The following TMTC2 variants were observed in gnomAD, a reference collection of about 807,000 sequenced individuals.
TMTC2 encodes the protein protein O-mannosyl-transferase TMTC2.
TMTC2 carries 43 observed loss-of-function variants against 82.4 expected under a neutral mutation model. The ratio of observed to expected loss-of-function variants is 0.52; its 90% CI spans 0.41 to 0.67. The LOEUF (loss-of-function observed/expected upper bound fraction) is 0.67. TMTC2 is among the 30% of genes least tolerant of loss of function. The pLI, the probability that TMTC2 is intolerant of heterozygous loss-of-function variation, is 0.00. For synonymous variants in TMTC2, 408 were observed against 381.9 expected, an observed-to-expected ratio of 1.07 and a Z score of -0.80; for missense variants, 919 against 1,012.4, an observed-to-expected ratio of 0.91 and a Z score of 1.25.
chr12:82,896,106 G>A lies in TMTC2; in HGVS notation c.943G>A (p.Ala315Thr), dbSNP rs1201791. ...TGACTGGAGAAACCTACACACTGTG[G>A]CCTTCTATACTGGACTCCTTCTCCT... is the stretch of plus-strand genomic sequence containing the variant. ...VCDWRNLHTV[A>T]FYTGLLLLAY... Residue 315 changes from alanine to threonine, a missense_variant, in exon 3 of 12, where the codon GCC (alanine) becomes ACC (threonine). Transcript: ENST00000321196. The A allele has an allele frequency of 5.7e-3, 9,186 of 1,613,890 alleles. 478 individuals carry two copies. In the African/African-American group the frequency reaches 0.11, roughly 19 times the overall value.
At chr12:83,125,083 T>C (rs890168661) in intron 11 of TMTC2, among the ~76,000 whole-genome samples, 2 of 152,338 alleles carry the variant, frequency 1.3e-5, no homozygotes, top group South Asian at 2.1e-4. Context: ...TTCTGCATGC[T>C]GGCTAGCTAG....
intron 1 of TMTC2, among the ~76,000 whole-genome samples, chr12:82,702,156 A>G (rs550657254): frequency 6.6e-6 from 1 of 152,236 alleles, no homozygotes; most frequent in Non-Finnish European, 1.5e-5. Flanking sequence ...GGAGTAAAAC[A>G]TTAGTGATAT....
At chr12:82,738,474 G>A (rs927061696) in intron 1 of TMTC2, among the ~76,000 whole-genome samples, 7 of 152,152 alleles carry the variant, frequency 4.6e-5, no homozygotes, top group Admixed American at 3.9e-4. Context: ...CTAAATGAAT[G>A]CACCAAGAGT....
intron 11 of TMTC2, among the ~76,000 whole-genome samples, chr12:83,127,796 C>G (rs375876399): frequency 6.6e-6 from 1 of 152,078 alleles, no homozygotes; most frequent in East Asian, 1.9e-4. Context: ...TGCCTTTGCT[C>G]TCCCCACCAC....
intron 8 of TMTC2, among the ~76,000 whole-genome samples, chr12:83,010,897 C>T (rs1456282960): frequency 7.9e-5 from 12 of 152,090 alleles, no homozygotes; most frequent in South Asian, 4.1e-4. Flanking sequence ...TGCAATGGTG[C>T]GATCTCAGCT....
intron 1 of TMTC2, among the ~76,000 whole-genome samples, chr12:82,747,763 A>G (rs1875765485): frequency 6.6e-6 from 1 of 152,164 alleles, no homozygotes; most frequent in South Asian, 2.1e-4. Flanking sequence ...TTACTTAAAT[A>G]CGTTTAGCAC....
intron 3 of TMTC2, among the ~76,000 whole-genome samples, chr12:82,900,555 A>C (rs1244568420): frequency 1.5e-5 from 2 of 134,020 alleles, no homozygotes; most frequent in Non-Finnish European, 3.2e-5. Context: ...CGGAATATAG[A>C]TATGTAGGAA....
chr12:83,086,827 G>C (rs1018356074), intron 11 of TMTC2, among the ~76,000 whole-genome samples: 4 of 152,204 alleles, frequency 2.6e-5, no homozygotes, highest in Admixed American at 6.5e-5. Context: ...CTTTCAGATA[G>C]TAGTAATCTT....
chr12:82,853,165 C>T (rs567290677), intron 1 of TMTC2, among the ~76,000 whole-genome samples: 5 of 151,832 alleles, frequency 3.3e-5, no homozygotes, highest in African/African-American at 7.3e-5. Flanking sequence ...TGCAGTGGCG[C>T]GATCTCGGCT....
At chr12:82,995,983 A>G (rs1879599915) in intron 8 of TMTC2, among the ~76,000 whole-genome samples, 1 of 152,222 alleles carries the variant, frequency 6.6e-6, no homozygotes, top group South Asian at 2.1e-4. Context: ...TAAAATATAC[A>G]TATGTGGTAT....
chr12:82,948,136 C>A (rs893740727), intron 4 of TMTC2, among the ~76,000 whole-genome samples: 2 of 152,160 alleles, frequency 1.3e-5, no homozygotes, highest in African/African-American at 4.8e-5. Context: ...GAGGCCAAGG[C>A]ACGAGGGTCA....
In TMTC2 at chr12:83,094,535, A is replaced by G. The variant is rs1305531715; in HGVS notation, c.2331+32704A>G. The stretch of plus-strand genomic sequence containing the variant: ...AAAGAAAGTAATACAATTGAGAGAT[A>G]TTTGTTCCATTTGCATTGTAGAGGA... On this transcript the variant is annotated intron_variant, in intron 11 of 11. Coordinates refer to ENST00000321196, the MANE Select transcript of TMTC2 (RefSeq NM_152588.3). Among the ~76,000 whole-genome samples the G allele has an allele frequency of 3.9e-5, 6 of 152,262 alleles. No individual in the cohort carries two copies. The East Asian group carries it at 1.2e-3, about 29-fold the overall frequency.
chr12:82,770,930 G>A (rs879303401), intron 1 of TMTC2, among the ~76,000 whole-genome samples: 5 of 151,952 alleles, frequency 3.3e-5, no homozygotes, highest in Non-Finnish European at 7.4e-5. Flanking sequence ...GAGTTGTTGC[G>A]GGGTGCAGTG....
intron 1 of TMTC2, among the ~76,000 whole-genome samples, chr12:82,698,419 G>T (rs926481670): frequency 6.6e-6 from 1 of 152,112 alleles, no homozygotes; most frequent in African/African-American, 2.4e-5. Context: ...AGACTCAAAT[G>T]AAATAATATG....
At chr12:82,858,096 A>G (rs982665436) in intron 2 of TMTC2, among the ~76,000 whole-genome samples, 9 of 152,208 alleles carry the variant, frequency 5.9e-5, no homozygotes, top group Non-Finnish European at 5.9e-5. Flanking sequence ...TTTTCTCGTG[A>G]TAGTGCATAA....
intron 2 of TMTC2, among the ~76,000 whole-genome samples, chr12:82,876,722 T>A (rs1383584301): frequency 6.6e-6 from 1 of 152,184 alleles, no homozygotes; most frequent in Non-Finnish European, 1.5e-5. Context: ...TTTCATTTCG[T>A]TTTGTTTTTT....
At chr12:82,771,767 T>G (rs1466431870) in intron 1 of TMTC2, among the ~76,000 whole-genome samples, 1 of 152,094 alleles carries the variant, frequency 6.6e-6, no homozygotes, top group Non-Finnish European at 1.5e-5. Context: ...CCATTTAACT[T>G]ATATGAATTT....
intron 4 of TMTC2, among the ~76,000 whole-genome samples, chr12:82,947,544 G>A (rs1236993613): frequency 6.8e-6 from 1 of 146,374 alleles, no homozygotes; most frequent in Non-Finnish European, 1.5e-5. Flanking sequence ...GGGTTTCACC[G>A]TGGTCTCGAT....
chr12:82,920,803 A>G (rs920215008), intron 3 of TMTC2, among the ~76,000 whole-genome samples: 2 of 152,164 alleles, frequency 1.3e-5, no homozygotes, highest in Non-Finnish European at 2.9e-5. Flanking sequence ...TTATTAAACA[A>G]TGCTTATTAA....
Sources: gnomAD v4.1 joint callset for allele counts (sites outside exome capture counted in the v4.1 genomes callset) on GRCh38, gnomAD v4.1.1 for gene constraint, MANE v1.5 for transcripts, NCBI Gene and HGNC (gene_info 2026-07-23, HGNC 2026-07-21) for gene names.